Variants in ROCK1 observed in about 807,000 individuals in gnomAD.
ROCK1 encodes the protein Rho associated coiled-coil containing protein kinase 1, also known as rho-associated protein kinase 1.
Under a neutral mutation model 196.8 loss-of-function variants are expected in ROCK1, and 36 were observed. The observed-to-expected ratio is 0.18, with a 90% CI of 0.14 to 0.24. The LOEUF is 0.24. Ranked by LOEUF, ROCK1 falls within the 10% of genes least tolerant of loss-of-function variation. The pLI is 1.00. For missense variants in ROCK1, 920 were observed against 1,562.0 expected, an observed-to-expected ratio of 0.59 and a Z score of 6.93; for synonymous variants, 443 against 515.9, an observed-to-expected ratio of 0.86 and a Z score of 1.91.
At chr18:21,022,843 GGTGTGTGTGTATATATGTGT>G (rs1555750117) in intron 11 of ROCK1, among the ~76,000 whole-genome samples, 1 of 151,838 alleles carries the variant, frequency 6.6e-6, no homozygotes, top group East Asian at 1.9e-4. Flanking sequence ...GCAAAAATAT[GGTGTGTGTGTATATATGTGT>G]GTGTGTGTGT....
At chr18:21,013,188 G>T (rs1185571520) in intron 13 of ROCK1, among the ~76,000 whole-genome samples, 2 of 152,140 alleles carry the variant, frequency 1.3e-5, no homozygotes, top group Non-Finnish European at 2.9e-5. Context: ...TTCAAACCTG[G>T]ACATCATCTT....
chr18:21,103,491 C>CT (rs2036677198), intron 1 of ROCK1, among the ~76,000 whole-genome samples: 1 of 151,602 alleles, frequency 6.6e-6, no homozygotes, highest in South Asian at 2.1e-4. Context: ...CAGAGTCTCA[C>CT]TTTGACAACC....
At chr18:21,017,001 C>T (rs2035868428) in intron 12 of ROCK1, among the ~76,000 whole-genome samples, 1 of 152,020 alleles carries the variant, frequency 6.6e-6, no homozygotes, top group African/African-American at 2.4e-5. Context: ...TCTTACCTCA[C>T]GGCCTTCACA....
intron 2 of ROCK1, among the ~76,000 whole-genome samples, chr18:21,064,968 TGATCACAACTGGG>T (rs1416854625): frequency 2.0e-5 from 3 of 152,208 alleles, no homozygotes; most frequent in Non-Finnish European, 2.9e-5. Flanking sequence ...ATATTTCTGG[TGATCACAACTGGG>T]GATAGGTGTT....
At chr18:21,096,795 C>T (rs1043018703) in intron 1 of ROCK1, among the ~76,000 whole-genome samples, 1 of 151,984 alleles carries the variant, frequency 6.6e-6, no homozygotes, top group Non-Finnish European at 1.5e-5. Flanking sequence ...ATCATTCACA[C>T]CAATCAATAA....
chr18:21,103,899 G>C (rs974388783), intron 1 of ROCK1, among the ~76,000 whole-genome samples: 1 of 152,212 alleles, frequency 6.6e-6, no homozygotes, highest in African/African-American at 2.4e-5. Flanking sequence ...TTTCAGTCCA[G>C]TGTTCTTTTC....
chr18:21,034,082 A>G (rs1390677731), intron 9 of ROCK1, among the ~76,000 whole-genome samples: 3 of 151,452 alleles, frequency 2.0e-5, no homozygotes, highest in African/African-American at 7.3e-5. Flanking sequence ...AATACCTAGG[A>G]ACAAATTTAA....
chr18:21,078,554 T>C (rs2036455940), intron 1 of ROCK1, among the ~76,000 whole-genome samples: 1 of 152,116 alleles, frequency 6.6e-6, no homozygotes, highest in Non-Finnish European at 1.5e-5. Flanking sequence ...GTTTGAGCTC[T>C]GGGACCCATC....
intron 1 of ROCK1, among the ~76,000 whole-genome samples, chr18:21,097,629 A>G (rs886183222): frequency 2.0e-5 from 3 of 152,228 alleles, no homozygotes; most frequent in Admixed American, 1.3e-4. Flanking sequence ...TGGGAGATAG[A>G]TAATAATCCA....
intron 1 of ROCK1, among the ~76,000 whole-genome samples, chr18:21,102,428 A>G (rs1469210860): frequency 6.6e-6 from 1 of 152,224 alleles, no homozygotes; most frequent in Non-Finnish European, 1.5e-5. Flanking sequence ...TATAAATTCC[A>G]TGAAAGTGGG....
At chr18:21,011,158 T>C (rs2035813692) in intron 13 of ROCK1, among the ~76,000 whole-genome samples, 1 of 152,232 alleles carries the variant, frequency 6.6e-6, no homozygotes, top group South Asian at 2.1e-4. Flanking sequence ...TTAATTTCCA[T>C]TTAATGTCAT....
At position 20,959,058 on chromosome 18, in the gene ROCK1, T is replaced by TTTATATAATATATATA. The variant is rs1568367304; in HGVS notation, c.3512+781_3512+782insTATATATATTATATAA. Among the ~76,000 whole-genome samples the TTTATATAATATATATA allele has an allele frequency of 1.7e-3, 84 of 48,524 alleles. 1 individual carries two copies. The African/African-American group carries it at 0.023, about 13-fold the overall frequency. The allele number at this position is 48,524 out of a possible 152,430, so 31.8% of individuals were successfully genotyped here. A position where few individuals can be genotyped will look rare whatever the true frequency, so the allele number is the denominator to read the frequency against. On this transcript the variant is annotated intron_variant, in intron 29 of 32. Transcript: ENST00000399799. ...TTTATATAATATATAATATATATATTATATTTTATATTATATAATATATAT... is the reference window on the plus strand; with the variant it reads ...TTTATATAATATATAATATATATATTTTATATAATATATATAATATTTTATATTATATAATATATAT...
chr18:20,959,051 T>TA lies in ROCK1; in HGVS notation c.3512+788dup, dbSNP rs1275989093. On this transcript the variant is annotated intron_variant, in intron 29 of 32. Coordinates refer to ENST00000399799, the MANE Select transcript of ROCK1 (RefSeq NM_005406.3). ...TATATATTTTATATAATATATAATA[T>TA]ATATATTATATTTTATATTATATAA... 5.3e-3 allele frequency among the ~76,000 whole-genome samples: 310 copies of TA among 58,666 alleles called. 13 individuals carry two copies. The highest frequency in any genetic ancestry group is 0.035 in the African/African-American group (272 of 7,684). The allele number at this position is 58,666 out of a possible 152,430, so 38.5% of individuals were successfully genotyped here.
At chr18:20,989,745 A>T (rs1379840221) in intron 18 of ROCK1, among the ~76,000 whole-genome samples, 1 of 152,144 alleles carries the variant, frequency 6.6e-6, no homozygotes, top group African/African-American at 2.4e-5. Context: ...CTCCTTTAAG[A>T]TAACAGTGAA....
intron 22 of ROCK1, among the ~76,000 whole-genome samples, chr18:20,978,578 C>G (rs533259560): frequency 3.0e-4 from 45 of 152,340 alleles, no homozygotes; most frequent in African/African-American, 1.1e-3. Flanking sequence ...CATGTGGCTA[C>G]TGGCCACCAT....
intron 4 of ROCK1, among the ~76,000 whole-genome samples, chr18:21,047,067 T>C (rs1050312656): frequency 3.3e-5 from 5 of 152,212 alleles, no homozygotes; most frequent in African/African-American, 9.7e-5. Context: ...GATTAAAGTA[T>C]ATAATTTGTC....
chr18:21,054,131 T>C (rs2036227677), intron 2 of ROCK1, among the ~76,000 whole-genome samples: 1 of 152,186 alleles, frequency 6.6e-6, no homozygotes, highest in Admixed American at 6.5e-5. Context: ...ACTTTATTTA[T>C]GGACACTGAA....
chr18:21,082,868 T>C (rs2036494170), intron 1 of ROCK1, among the ~76,000 whole-genome samples: 3 of 152,070 alleles, frequency 2.0e-5, no homozygotes, highest in Non-Finnish European at 4.4e-5. Context: ...GGCATCCAAA[T>C]TGGAAACAAA....
chr18:21,063,994 A>G (rs2036313158), intron 2 of ROCK1, among the ~76,000 whole-genome samples: 1 of 152,216 alleles, frequency 6.6e-6, no homozygotes, highest in South Asian at 2.1e-4. Flanking sequence ...CTTGATTTAG[A>G]GGTATTTAAA....
Sources: allele counts gnomAD v4.1 joint callset (sites outside exome capture counted in the v4.1 genomes callset), GRCh38; gene constraint gnomAD v4.1.1; transcripts MANE v1.5; gene names NCBI Gene and HGNC (gene_info 2026-07-23, HGNC 2026-07-21).